PCDHA4: variants seen among roughly 807,000 people sequenced by gnomAD.
PCDHA4 encodes the protein protocadherin alpha 4.
PCDHA4 carries 49 observed loss-of-function variants against 61.4 expected under a neutral mutation model. That is an observed-to-expected ratio of 0.80 (90% CI 0.63 to 1.01). The LOEUF is 1.01. PCDHA4 is among the 50% of genes least tolerant of loss of function. The pLI is 0.00. For missense variants in PCDHA4, 1,254 were observed against 1,235.8 expected (o/e 1.01, Z -0.22); for synonymous variants, 590 against 550.3 (o/e 1.07, Z -1.01).
In PCDHA4 at chr5:140,988,105, A is replaced by C. The variant is rs2097283158; in HGVS notation, c.2533+5542A>C. On this transcript the variant is annotated intron_variant, in intron 3 of 3. Transcript: ENST00000530339. ...TGAGTGCAGCCTCGGGCCTTGTTGGAGAATTTAGAAAGCATGCTGTTCCAC... is the reference window on the plus strand; with the variant it reads ...TGAGTGCAGCCTCGGGCCTTGTTGGCGAATTTAGAAAGCATGCTGTTCCAC... Among the ~76,000 whole-genome samples the C allele has an allele frequency of 2.6e-5, 4 of 152,138 alleles. No individual in the cohort carries two copies. In the South Asian group the frequency reaches 8.3e-4, roughly 32 times the overall value.
intron 1 of PCDHA4, among the ~76,000 whole-genome samples, chr5:140,937,306 G>A (rs994842470): frequency 4.3e-4 from 66 of 152,048 alleles, no homozygotes; most frequent in African/African-American, 1.6e-3. Flanking sequence ...CAAAGTGCTG[G>A]GATTACAGGC....
At chr5:140,862,288 G>A in intron 1 of PCDHA4, 1 of 264,980 alleles carries the variant, frequency 3.8e-6, no homozygotes, top group East Asian at 9.0e-5. Context: ...CTGTACAGGA[G>A]GACGCTCCAC....
intron 1 of PCDHA4, chr5:140,829,592 G>C: frequency 6.2e-7 from 1 of 1,612,022 alleles, no homozygotes; most frequent in South Asian, 1.1e-5. Flanking sequence ...GCGGGTGGGC[G>C]AGCGCGCGTT....
At chr5:140,853,611 G>A in intron 1 of PCDHA4, 1 of 988,014 alleles carries the variant, frequency 1.0e-6, no homozygotes. Flanking sequence ...AGGGGGTGCT[G>A]TAAATAAGTA....
At position 140,807,250 on chromosome 5, in the gene PCDHA4, C is replaced by T. The variant is rs781836532; in HGVS notation, c.63C>T (p.Leu21=). 1.9e-6 allele frequency: 3 copies of T among 1,614,114 alleles called. No individual in the cohort carries two copies. The highest frequency in any genetic ancestry group is 1.1e-5 in the South Asian group (1 of 91,086). Residue 21 remains leucine (L), a synonymous_variant, in exon 1 of 4, where the codon CTC becomes CTT. Transcript: ENST00000530339. ...SRRLLLLLLL[L]AAWEAGNGQL... ...GTCTGCTGCTCTTACTTCTTCTCCT[C>T]GCAGCCTGGGAGGCAGGGAACGGTC...
Position 140,846,221 on chromosome 5 carries a change from A to C in PCDHA4, c.2385+36649A>C, listed in dbSNP as rs944343213. Among the ~76,000 whole-genome samples, 2 of 149,362 alleles carry C rather than the reference A, an allele frequency of 1.3e-5. 1 individual carries two copies. The highest frequency in any genetic ancestry group is 3.0e-5 in the Non-Finnish European group (2 of 66,804). On this transcript the variant is annotated intron_variant, in intron 1 of 3. Coordinates refer to ENST00000530339, the MANE Select transcript of PCDHA4 (RefSeq NM_018907.4). ...TGTATGAGATCTTTCCATTAATAGT[A>C]TTTTTCTTAAAAAGAAGTATACAAT... is the stretch of plus-strand genomic sequence containing the variant.
At chr5:140,918,789 G>A (rs1453306973) in intron 1 of PCDHA4, among the ~76,000 whole-genome samples, 7 of 142,426 alleles carry the variant, frequency 4.9e-5, no homozygotes, top group African/African-American at 1.9e-4. Flanking sequence ...TGAGGACACA[G>A]CAAAAATGTG....
intron 1 of PCDHA4, among the ~76,000 whole-genome samples, chr5:140,893,588 A>G (rs2064072698): frequency 6.6e-6 from 1 of 152,212 alleles, no homozygotes; most frequent in South Asian, 2.1e-4. Flanking sequence ...TTGTTTGGGA[A>G]ATACTTTATT....
chr5:141,000,361 G>GTCTC (rs148596731), intron 3 of PCDHA4, among the ~76,000 whole-genome samples: 446 of 26,454 alleles, frequency 0.017, 11 homozygotes, highest in Non-Finnish European at 0.022. Flanking sequence ...GTCTCTCTCT[G>GTCTC]TCTCTCTCTC....
rs781990926 is a variant in PCDHA4, at chr5:140,809,277, A to G, written c.2090A>G (p.Asn697Ser). 3.7e-6 allele frequency: 6 copies of G among 1,614,112 alleles called. No individual in the cohort carries two copies. The East Asian group carries it at 6.7e-5, about 18-fold the overall frequency. The change falls in exon 1 of 4, where the codon AAC becomes AGC. Residue 697 changes from asparagine (N) to serine (S), a missense_variant. Transcript: ENST00000530339. ...VGPDAALVDV[N>S]VYLIIAICAV... Reference sequence around the variant, plus strand: ...CCCGATGCTGCGCTGGTGGATGTCAACGTATACCTGATCATTGCCATCTGC... The same window carrying G: ...CCCGATGCTGCGCTGGTGGATGTCAGCGTATACCTGATCATTGCCATCTGC...
At position 141,010,228 on chromosome 5, in the gene PCDHA4, C is replaced by T. The variant is rs1290626143; in HGVS notation, c.*291C>T. The stretch of plus-strand genomic sequence containing the variant: ...CCGCAAAGGAGAGGCTTCCCAGCCC[C>T]GCCAGTGAGAGGTTGGACTCTCTGC... On this transcript the variant is annotated 3_prime_UTR_variant, in exon 4 of 4. Coordinates refer to ENST00000530339, the MANE Select transcript of PCDHA4 (RefSeq NM_018907.4). 35 of 1,551,916 alleles carry T rather than the reference C, an allele frequency of 2.3e-5. No homozygotes were observed. The highest frequency in any genetic ancestry group is 2.8e-5 in the Non-Finnish European group (32 of 1,147,054).
intron 1 of PCDHA4, among the ~76,000 whole-genome samples, chr5:140,956,132 C>G (rs782171826): frequency 2.6e-5 from 4 of 152,028 alleles, no homozygotes; most frequent in Admixed American, 6.6e-5. Context: ...ATTTGAATAC[C>G]CTTTATTTCT....
At chr5:140,853,280 T>C in intron 1 of PCDHA4, 1 of 980,192 alleles carries the variant, frequency 1.0e-6, no homozygotes, top group South Asian at 4.8e-5. Context: ...TCTCATCATA[T>C]GCAAATTCTC....
At chr5:141,005,809 C>T (rs1554260384) in intron 3 of PCDHA4, among the ~76,000 whole-genome samples, 1 of 150,480 alleles carries the variant, frequency 6.6e-6, no homozygotes, top group Admixed American at 6.6e-5. Flanking sequence ...TCCAAGGAGC[C>T]AGGTATGGTG....
intron 1 of PCDHA4, chr5:140,928,827 A>G (rs1554206364): frequency 6.2e-7 from 1 of 1,614,130 alleles, no homozygotes. Flanking sequence ...GAGACCCACC[A>G]CTTTCCTCCT....
chr5:140,896,432 G>C (rs2065542713), intron 1 of PCDHA4, among the ~76,000 whole-genome samples: 1 of 152,008 alleles, frequency 6.6e-6, no homozygotes, highest in African/African-American at 2.4e-5. Context: ...ATTCTGACTG[G>C]TGTGACTGCA....
At chr5:140,966,973 G>T in intron 1 of PCDHA4, 1 of 1,603,054 alleles carries the variant, frequency 6.2e-7, no homozygotes. Flanking sequence ...GGCTTGAGCT[G>T]CGGCGCTTGG....
rs782115498 is a variant in PCDHA4, at chr5:140,856,112, G to C, written c.2385+46540G>C. ...GCTGCTCTCGCTTCTTCTCCTCGCA[G>C]CCTGGGAGGTGGGGAGCGGCCAGCT... On this transcript the variant is annotated intron_variant, in intron 1 of 3. Coordinates refer to ENST00000530339, the MANE Select transcript of PCDHA4 (RefSeq NM_018907.4). The C allele has an allele frequency of 2.5e-6, 4 of 1,598,194 alleles. 1 individual carries two copies. The South Asian group carries it at 4.4e-5, about 18-fold the overall frequency.
Position 140,857,830 on chromosome 5 carries a change from C to G in PCDHA4, c.2385+48258C>G, listed in dbSNP as rs782060681. On this transcript the variant is annotated intron_variant, in intron 1 of 3. Coordinates refer to ENST00000530339, the MANE Select transcript of PCDHA4 (RefSeq NM_018907.4). ...CGGGTCACGTGGTGGCTAAGGTGCG[C>G]GCAGTGGACGCTGACTCTGGATACA... is the stretch of plus-strand genomic sequence containing the variant. 1.6e-5 allele frequency: 26 copies of G among 1,597,596 alleles called. 3 individuals carry two copies. The highest frequency in any genetic ancestry group is 2.1e-5 in the Non-Finnish European group (25 of 1,167,516).
Sources: gnomAD v4.1 joint callset for allele counts (sites outside exome capture counted in the v4.1 genomes callset) on GRCh38, gnomAD v4.1.1 for gene constraint, MANE v1.5 for transcripts, NCBI Gene and HGNC (gene_info 2026-07-23, HGNC 2026-07-21) for gene names.